The following NR3C2 variants were observed in gnomAD, a reference collection of about 807,000 sequenced individuals.
The protein encoded by NR3C2 is mineralocorticoid receptor.
NR3C2 carries 15 observed loss-of-function variants against 86.4 expected under a neutral mutation model. The ratio of observed to expected loss-of-function variants is 0.17; its 90% CI spans 0.12 to 0.27. The LOEUF is 0.27. Among genes scored for constraint, NR3C2 ranks in the 10% least tolerant of loss-of-function variants. NR3C2 has a pLI of 1.00. For missense variants in NR3C2, 960 were observed against 1,195.6 expected (o/e 0.80, Z 2.91); for synonymous variants, 458 against 450.5 (o/e 1.02, Z -0.21).
At chr4:148,352,312 T>A (rs1163393455) in intron 2 of NR3C2, among the ~76,000 whole-genome samples, 1 of 151,594 alleles carries the variant, frequency 6.6e-6, no homozygotes, top group Non-Finnish European at 1.5e-5. Flanking sequence ...CACTCAGTAT[T>A]TGCCTTCTCT....
chr4:148,409,170 AGTTTAGACT>A (rs1484280709), intron 2 of NR3C2, among the ~76,000 whole-genome samples: 1 of 152,206 alleles, frequency 6.6e-6, no homozygotes. Context: ...AGGATATCCC[AGTTTAGACT>A]GTCATTAGGA....
intron 1 of NR3C2, among the ~76,000 whole-genome samples, chr4:148,438,456 A>G (rs1010765667): frequency 2.0e-5 from 3 of 152,312 alleles, no homozygotes; most frequent in East Asian, 1.9e-4. Flanking sequence ...TTTTTCAAAC[A>G]TTTCAAAGTC....
chr4:148,424,539 T>C (rs1749437257), intron 2 of NR3C2, among the ~76,000 whole-genome samples: 1 of 152,186 alleles, frequency 6.6e-6, no homozygotes, highest in Non-Finnish European at 1.5e-5. Flanking sequence ...AAGCCAAATG[T>C]CTACCAACAG....
intron 2 of NR3C2, among the ~76,000 whole-genome samples, chr4:148,273,328 G>C (rs988296247): frequency 1.3e-5 from 2 of 152,070 alleles, no homozygotes; most frequent in African/African-American, 4.8e-5. Context: ...TCCCTTTCTT[G>C]TGCTTGAAAC....
chr4:148,216,897 CCA>C (rs1396944590), intron 3 of NR3C2, among the ~76,000 whole-genome samples: 4 of 152,128 alleles, frequency 2.6e-5, no homozygotes, highest in Admixed American at 6.5e-5. Flanking sequence ...CAGATCAGAC[CCA>C]CAAGCAGCTA....
At chr4:148,168,520 G>A (rs1179748901) in intron 4 of NR3C2, among the ~76,000 whole-genome samples, 5 of 152,204 alleles carry the variant, frequency 3.3e-5, no homozygotes, top group African/African-American at 1.2e-4. Flanking sequence ...CCTGTTAGCG[G>A]TGTCAGCACC....
intron 2 of NR3C2, among the ~76,000 whole-genome samples, chr4:148,396,379 A>G (rs2126513022): frequency 6.6e-6 from 1 of 152,336 alleles, no homozygotes; most frequent in South Asian, 2.1e-4. Flanking sequence ...TTTCAAGGCA[A>G]TTTGAGAAAA....
At chr4:148,251,698 A>G (rs1183448411) in intron 3 of NR3C2, among the ~76,000 whole-genome samples, 2 of 152,238 alleles carry the variant, frequency 1.3e-5, no homozygotes, top group Non-Finnish European at 2.9e-5. Flanking sequence ...AAGATGTTAA[A>G]GAGGTACTTC....
intron 2 of NR3C2, among the ~76,000 whole-genome samples, chr4:148,358,184 C>A (rs542792451): frequency 1.3e-5 from 2 of 152,022 alleles, no homozygotes; most frequent in African/African-American, 4.8e-5. Context: ...ATGTTTATTG[C>A]GGCATTATTC....
rs74974857 is a variant in NR3C2 at position 148,096,646 on chromosome 4, C to T, written c.2800-15147G>A. 3.3e-5 allele frequency among the ~76,000 whole-genome samples: 5 copies of T among 152,160 alleles called. No individual in the cohort carries two copies. In the East Asian group the frequency reaches 9.7e-4, roughly 29 times the overall value. On this transcript the variant is annotated intron_variant, in intron 8 of 8. Coordinates refer to ENST00000358102, the MANE Select transcript of NR3C2 (RefSeq NM_000901.5). ...GTTGCAGGTCAAATCTGGCCTCATG[C>T]TTTTAAGTTTTTTCCATGTTTGTGT...
At chr4:148,320,305 A>G (rs1469531396) in intron 2 of NR3C2, among the ~76,000 whole-genome samples, 2 of 86,100 alleles carry the variant, frequency 2.3e-5, no homozygotes, top group African/African-American at 1.1e-4. Context: ...TTTTTGCATC[A>G]ATGTTCATCA....
intron 1 of NR3C2, among the ~76,000 whole-genome samples, chr4:148,441,438 CAA>C: frequency 6.6e-6 from 1 of 152,174 alleles, no homozygotes; most frequent in South Asian, 2.1e-4. Context: ...TCGGCGGTTT[CAA>C]AAGCTCGTCT....
intron 7 of NR3C2, among the ~76,000 whole-genome samples, 172 bp from the exon 8 acceptor site, chr4:148,114,433 A>C (rs748783290): frequency 3.2e-4 from 48 of 152,244 alleles, no homozygotes; most frequent in Non-Finnish European, 6.0e-4. Context: ...ATACATACAC[A>C]AAGAACAACT....
At chr4:148,298,413 G>T (rs73854505) in intron 2 of NR3C2, among the ~76,000 whole-genome samples, 7,749 of 152,256 alleles carry the variant, frequency 0.051, 629 homozygotes, top group African/African-American at 0.17. Context: ...CTGGGGTGAT[G>T]GAAATGTGTT....
chr4:148,251,278 T>C (rs957320499), intron 3 of NR3C2, among the ~76,000 whole-genome samples: 3 of 152,118 alleles, frequency 2.0e-5, no homozygotes, highest in Admixed American at 6.6e-5. Context: ...TCTAATAGTC[T>C]TCCATCACCT....
chr4:148,235,700 AT>A (rs1208662878), intron 3 of NR3C2, among the ~76,000 whole-genome samples: 3 of 146,908 alleles, frequency 2.0e-5, no homozygotes. Context: ...CAATAATTTA[AT>A]TTTAAACCAG....
chr4:148,292,965 T>A (rs1481350608), intron 2 of NR3C2, among the ~76,000 whole-genome samples: 1 of 152,072 alleles, frequency 6.6e-6, no homozygotes, highest in African/African-American at 2.4e-5. Flanking sequence ...GACACAGAGA[T>A]GATATTGAGT....
intron 2 of NR3C2, among the ~76,000 whole-genome samples, chr4:148,331,641 A>T (rs542485650): frequency 1.3e-5 from 2 of 152,336 alleles, no homozygotes; most frequent in Admixed American, 1.3e-4. Flanking sequence ...ATATATATGC[A>T]TAGACTTTCA....
chr4:148,215,149 G>C (rs1737465534), intron 3 of NR3C2, among the ~76,000 whole-genome samples: 1 of 152,184 alleles, frequency 6.6e-6, no homozygotes, highest in Non-Finnish European at 1.5e-5. Flanking sequence ...ATAACACAAA[G>C]TCTGTTCGGG....
Sources: allele counts gnomAD v4.1 joint callset (sites outside exome capture counted in the v4.1 genomes callset), GRCh38; gene constraint gnomAD v4.1.1; transcripts MANE v1.5; gene names NCBI Gene and HGNC (gene_info 2026-07-23, HGNC 2026-07-21).